The following HPSE2 variants were observed in gnomAD, a reference collection of about 807,000 sequenced individuals.
HPSE2 encodes heparanase 2 (inactive), also known as inactive heparanase-2.
In HPSE2, 38 loss-of-function variants were observed where a neutral mutation model predicts 60.5. The ratio of observed to expected loss-of-function variants is 0.63; its 90% CI spans 0.48 to 0.82. The LOEUF is 0.82. HPSE2 is among the 40% of genes least tolerant of loss of function. The pLI is 0.00. For missense variants in HPSE2, 713 were observed against 740.4 expected, an observed-to-expected ratio of 0.96 and a Z score of 0.43; for synonymous variants, 295 against 293.2, an observed-to-expected ratio of 1.01 and a Z score of -0.06.
intron 2 of HPSE2, among the ~76,000 whole-genome samples, chr10:99,221,261 G>C (rs1849304906): frequency 6.6e-6 from 1 of 152,130 alleles, no homozygotes; most frequent in Non-Finnish European, 1.5e-5. Context: ...AAGAAGTTAA[G>C]CAACAACTAG....
intron 9 of HPSE2, among the ~76,000 whole-genome samples, chr10:98,582,937 C>T (rs1944842518): frequency 6.6e-6 from 1 of 152,128 alleles, no homozygotes; most frequent in Admixed American, 6.6e-5. Flanking sequence ...GTTTTCTCCT[C>T]TGCAATCCCT....
At chr10:98,657,943 TCA>T (rs5787295) in intron 6 of HPSE2, among the ~76,000 whole-genome samples, 23,375 of 152,138 alleles carry the variant, frequency 0.15, 2,066 homozygotes, top group Admixed American at 0.23. Flanking sequence ...TTCTCAAAGA[TCA>T]CAGAGTACTT....
At chr10:98,577,071 C>A (rs995428043) in intron 9 of HPSE2, among the ~76,000 whole-genome samples, 1 of 151,994 alleles carries the variant, frequency 6.6e-6, no homozygotes, top group Non-Finnish European at 1.5e-5. Context: ...CTTCTGTTCA[C>A]TTCTGCAACT....
Position 98,831,527 on chromosome 10 carries a change from G to C in HPSE2, c.611-87471C>G, listed in dbSNP as rs1412853713. On this transcript the variant is annotated intron_variant, in intron 3 of 11. Coordinates refer to ENST00000370552, the MANE Select transcript of HPSE2 (RefSeq NM_021828.5). ...AAGCTAATAAAGTAATACACTGATA[G>C]TGTATATTAATAAGAACCTGCATTT... 2.0e-5 allele frequency among the ~76,000 whole-genome samples: 3 copies of C among 152,330 alleles called. No homozygotes were observed. The East Asian group carries it at 5.8e-4, about 29-fold the overall frequency.
At chr10:98,946,301 C>T (rs1489335182) in intron 3 of HPSE2, among the ~76,000 whole-genome samples, 1 of 151,742 alleles carries the variant, frequency 6.6e-6, no homozygotes, top group Admixed American at 6.6e-5. Context: ...GAGACCCCAC[C>T]TCTATTAAAT....
At chr10:98,869,029 G>A (rs988433817) in intron 3 of HPSE2, among the ~76,000 whole-genome samples, 3 of 152,072 alleles carry the variant, frequency 2.0e-5, no homozygotes, top group East Asian at 1.9e-4. Context: ...TGTGTGGTGC[G>A]TATGTGTGCA....
intron 3 of HPSE2, among the ~76,000 whole-genome samples, chr10:99,128,679 G>C (rs1474680350): frequency 2.0e-5 from 3 of 152,042 alleles, no homozygotes; most frequent in East Asian, 1.9e-4. Flanking sequence ...GGGGCCTGCT[G>C]GGGGATGTGG....
chr10:99,048,198 C>A, intron 3 of HPSE2: 3 of 634,592 alleles, frequency 4.7e-6, no homozygotes, highest in South Asian at 3.2e-5. Context: ...ATCATCTGCA[C>A]GGAGGATCTG....
At chr10:98,533,948 C>A (rs1236469683) in intron 9 of HPSE2, among the ~76,000 whole-genome samples, 1 of 152,074 alleles carries the variant, frequency 6.6e-6, no homozygotes, top group African/African-American at 2.4e-5. Context: ...AGCAATTAAC[C>A]AGACTTTTTG....
chr10:98,925,022 C>T (rs766946505), intron 3 of HPSE2, among the ~76,000 whole-genome samples: 51 of 152,156 alleles, frequency 3.4e-4, no homozygotes, highest in Non-Finnish European at 3.2e-4. Flanking sequence ...AATGTAAAGT[C>T]GCCCAGCAGC....
intron 3 of HPSE2, among the ~76,000 whole-genome samples, chr10:98,839,142 G>A (rs534663747): frequency 1.8e-4 from 27 of 152,142 alleles, no homozygotes; most frequent in African/African-American, 4.1e-4. Flanking sequence ...ATTAAAATAC[G>A]GAAACTTTAT....
rs1336267330 is a variant in HPSE2 at position 98,624,651 on chromosome 10, T to A, written c.1099-3943A>T. ...AGTTATTTGTATATCATTTTAATTG[T>A]AAAATGATAAAAACTGTAAAATGAT... On this transcript the variant is annotated intron_variant, in intron 7 of 11. Transcript: ENST00000370552. Among the ~76,000 whole-genome samples, 4 of 152,210 alleles carry A rather than the reference T, an allele frequency of 2.6e-5. No individual in the cohort carries two copies. The East Asian group carries it at 7.7e-4, about 29-fold the overall frequency.
In HPSE2 at chr10:98,466,280, A is replaced by G. The variant is rs1469789453; in HGVS notation, c.1614-6541T>C. On this transcript the variant is annotated intron_variant, in intron 11 of 11. Coordinates refer to ENST00000370552, the MANE Select transcript of HPSE2 (RefSeq NM_021828.5). ...GGTGTGTAGTTCAGGCTGGCATAGCATATTTTGGGGCCTTGAGTGGGAGGT... is the reference window on the plus strand; with the variant it reads ...GGTGTGTAGTTCAGGCTGGCATAGCGTATTTTGGGGCCTTGAGTGGGAGGT... Among the ~76,000 whole-genome samples, 6 of 152,266 alleles carry G rather than the reference A, an allele frequency of 3.9e-5. No individual in the cohort carries two copies. The East Asian group carries it at 1.2e-3, about 29-fold the overall frequency.
At chr10:98,477,948 T>A (rs1344939342) in intron 11 of HPSE2, among the ~76,000 whole-genome samples, 1 of 152,186 alleles carries the variant, frequency 6.6e-6, no homozygotes, top group Non-Finnish European at 1.5e-5. Flanking sequence ...TATGAGAATC[T>A]AATGCCTAAT....
chr10:99,300,212 G>A, the HPSE2 span, among the ~76,000 whole-genome samples: 2 of 151,912 alleles, frequency 1.3e-5, no homozygotes, highest in Non-Finnish European at 2.9e-5. Context: ...AATCAAGAAC[G>A]CCACTGAAAG....
intron 7 of HPSE2, among the ~76,000 whole-genome samples, chr10:98,624,309 G>A (rs2133994226): frequency 6.6e-6 from 1 of 152,280 alleles, no homozygotes; most frequent in South Asian, 2.1e-4. Context: ...GGGCTCATGT[G>A]GAAGGTGGTA....
chr10:98,538,016 C>T (rs371986054), intron 9 of HPSE2, among the ~76,000 whole-genome samples: 70 of 152,324 alleles, frequency 4.6e-4, no homozygotes, highest in Middle Eastern at 3.4e-3. Context: ...TCCTCTGCTT[C>T]GGCTACCTAA....
intron 3 of HPSE2, among the ~76,000 whole-genome samples, chr10:98,991,996 A>G (rs895225864): frequency 6.6e-6 from 1 of 152,210 alleles, no homozygotes. Context: ...CTCTAAAGCC[A>G]TATAGCACCA....
intron 10 of HPSE2, among the ~76,000 whole-genome samples, chr10:98,485,814 G>A (rs1039960428): frequency 2.6e-5 from 4 of 152,146 alleles, no homozygotes; most frequent in African/African-American, 9.7e-5. Flanking sequence ...AGTGGAGGAG[G>A]AGAGAGCCAC....
Sources: allele counts gnomAD v4.1 joint callset (sites outside exome capture counted in the v4.1 genomes callset), GRCh38; gene constraint gnomAD v4.1.1; transcripts MANE v1.5; gene names NCBI Gene and HGNC (gene_info 2026-07-23, HGNC 2026-07-21).